The following TMEM160 variants were observed in gnomAD, a reference collection of about 807,000 sequenced individuals.
TMEM160 encodes transmembrane protein 160.
Under a neutral mutation model 13.9 loss-of-function variants are expected in TMEM160, and 10 were observed. That is an observed-to-expected ratio of 0.72 (90% CI 0.45 to 1.22). The LOEUF is 1.22. TMEM160 is among the 50% of genes most tolerant of loss of function. TMEM160 has a pLI of 0.00. For synonymous variants in TMEM160, 159 were observed against 134.8 expected (o/e 1.18, Z -1.25); for missense variants, 287 against 283.2 (o/e 1.01, Z -0.10).
At chr19:47,046,504 G>A (rs1300310839) in intron 2 of TMEM160, 89 bp downstream of exon 2, 10 of 1,132,814 alleles carry the variant, frequency 8.8e-6, no homozygotes, top group Admixed American at 1.8e-5. Context: ...GGAGTGGGAT[G>A]GGGTAGGAGA....
At chr19:47,047,848 A>G (rs1437361898) in intron 1 of TMEM160, 1 of 976,124 alleles carries the variant, frequency 1.0e-6, no homozygotes, top group Non-Finnish European at 1.2e-6. Context: ...ACCGTCATTA[A>G]AAAAATAAAA....
chr19:47,046,287 T>G (rs952247483), intron 2 of TMEM160, 35 bp from the exon 3 acceptor site: 1 of 1,513,172 alleles, frequency 6.6e-7, no homozygotes, highest in African/African-American at 1.4e-5. Flanking sequence ...AGGGCCAAGG[T>G]CGGGGGATGG....
At chr19:47,046,928 A>AG (rs1187052395) in intron 1 of TMEM160, among the ~76,000 whole-genome samples, 2 of 152,154 alleles carry the variant, frequency 1.3e-5, no homozygotes, top group Admixed American at 6.5e-5. Flanking sequence ...TAAGGATTCA[A>AG]GGGCCGGGTG....
chr19:47,046,215 G>A lies in TMEM160; in HGVS notation c.339C>T (p.Gly113=), dbSNP rs1205591558. 2.0e-6 allele frequency: 3 copies of A among 1,535,802 alleles called. No homozygotes were observed. Among genetic ancestry groups the A allele is most frequent in the Non-Finnish European group, 8.7e-7 (1 of 1,146,726 alleles). ...FLLGGLCVVW[G]SASYAVGLAA... ...CCAGGCCCACGGCGTACGAGGCGCT[G>A]CCCCACACCACGCACAGGCCGCCCA... Residue 113 remains glycine, a synonymous_variant, in exon 3 of 3, where the codon GGC becomes GGT. Coordinates refer to ENST00000253047, the MANE Select transcript of TMEM160 (RefSeq NM_017854.2).
chr19:47,046,153 C>A lies in TMEM160; in HGVS notation c.401G>T (p.Gly134Val), dbSNP rs1439447009. The A allele has an allele frequency of 2.0e-6, 3 of 1,469,334 alleles. No homozygotes were observed. The highest frequency in any genetic ancestry group is 1.5e-5 in the African/African-American group (1 of 67,352). The allele number at this position is 1,469,334 out of a possible 1,614,324, so 91.0% of individuals were successfully genotyped here. Reference sequence around the variant, plus strand: ...CACGGCGCCCGCGCCCACGGCCGCGCCCCCCAGCGTCAGCTGCATGGGTCC... The same window carrying A: ...CACGGCGCCCGCGCCCACGGCCGCGACCCCCAGCGTCAGCTGCATGGGTCC... ...LRGPMQLTLG[G>V]AAVGAGAVLA... Residue 134 changes from glycine (G) to valine (V), a missense_variant, in exon 3 of 3, where the codon GGC becomes GTC. Physicochemically the swap from Gly to Val is moderately radical, Grantham distance 109 (BLOSUM62 -3). Transcript: ENST00000253047.
intron 2 of TMEM160, 45 bp from the exon 3 acceptor site, chr19:47,046,297 G>A: frequency 6.6e-7 from 1 of 1,505,310 alleles, no homozygotes; most frequent in Non-Finnish European, 8.8e-7. Flanking sequence ...TCGGGGGATG[G>A]TCTGGGAGCA....
At chr19:47,047,224 A>G in intron 1 of TMEM160, 1 of 979,924 alleles carries the variant, frequency 1.0e-6, no homozygotes, top group Non-Finnish European at 1.2e-6. Flanking sequence ...AAAATAAAGG[A>G]TTCAAGATAG....
intron 1 of TMEM160, chr19:47,047,405 G>T (rs535761952): frequency 2.0e-6 from 2 of 985,304 alleles, no homozygotes; most frequent in Non-Finnish European, 2.4e-6. Flanking sequence ...CTTCAGCCTC[G>T]CCCTTCTTTT....
chr19:47,046,448 G>A, intron 2 of TMEM160, 145 bp downstream of exon 2: 1 of 911,812 alleles, frequency 1.1e-6, no homozygotes, highest in Non-Finnish European at 1.7e-6. Flanking sequence ...CTATGGGAGG[G>A]GTGTCTTCTG....
chr19:47,046,489 T>C (rs1444543507), intron 2 of TMEM160, 104 bp downstream of exon 2: 3 of 1,030,972 alleles, frequency 2.9e-6, no homozygotes, highest in Non-Finnish European at 4.5e-6. Flanking sequence ...CTATACTTAC[T>C]ACTGGGAGTG....
At position 47,046,756 on chromosome 19, in the gene TMEM160, C is replaced by A; in HGVS notation, c.209-71G>T. ...ACCTCCTCAATCCCCCTTACCCAGTCAAACTGAGGGGCCTCCCTTCAGCTC... is the reference window on the plus strand; with the variant it reads ...ACCTCCTCAATCCCCCTTACCCAGTAAAACTGAGGGGCCTCCCTTCAGCTC... On this transcript the variant is annotated intron_variant, in intron 1 of 2. Transcript: ENST00000253047. The A allele has an allele frequency of 2.6e-6, 3 of 1,172,656 alleles. No individual in the cohort carries two copies. In the South Asian group the frequency reaches 3.7e-5, roughly 14 times the overall value. The allele number at this position is 1,172,656 out of a possible 1,614,324, so 72.6% of individuals were successfully genotyped here.
At position 47,048,385 on chromosome 19, in the gene TMEM160, G is replaced by GC. The variant is rs1428827144; in HGVS notation, c.208+21dup. On this transcript the variant is annotated intron_variant, in intron 1 of 2. Coordinates refer to ENST00000253047, the MANE Select transcript of TMEM160 (RefSeq NM_017854.2). ...CCGGGACCCCCGTCCCATCCGCACC[G>GC]CCCCCACCCCTAGCCACCGACCTGT... 14 of 1,476,536 alleles carry GC rather than the reference G, an allele frequency of 9.5e-6. No individual in the cohort carries two copies. The South Asian group carries it at 1.0e-4, about 11-fold the overall frequency. 91.5% of individuals were successfully genotyped at this position (1,476,536 alleles called of 1,614,324 possible). A position where few individuals can be genotyped will look rare whatever the true frequency, so the allele number is the denominator to read the frequency against.
At chr19:47,046,363 C>A in intron 2 of TMEM160, 111 bp from the exon 3 acceptor site, 1 of 1,322,990 alleles carries the variant, frequency 7.6e-7, no homozygotes, top group Non-Finnish European at 1.0e-6. Flanking sequence ...GGCTAGCCTG[C>A]ATCTTTGAGA....
Position 47,046,031 on chromosome 19 carries a change from A to G in TMEM160, c.523T>C (p.Ser175Pro). The G allele has an allele frequency of 6.5e-7, 1 of 1,549,608 alleles. No individual in the cohort carries two copies. Among genetic ancestry groups the G allele is most frequent in the Non-Finnish European group, 8.7e-7 (1 of 1,155,044 alleles). ...ELVPEDDGTA[S>P]AEGPDEAGRP... Reference sequence around the variant, plus strand: ...CCCGCCTCATCAGGGCCTTCCGCGGAGGCCGTCCCGTCGTCCTCGGGCACC... The same window carrying G: ...CCCGCCTCATCAGGGCCTTCCGCGGGGGCCGTCCCGTCGTCCTCGGGCACC... The change falls in exon 3 of 3, where the codon TCC becomes CCC. Residue 175 changes from serine (S) to proline (P), a missense_variant. Coordinates refer to ENST00000253047, the MANE Select transcript of TMEM160 (RefSeq NM_017854.2).
intron 1 of TMEM160, chr19:47,047,962 A>G (rs2057089773): frequency 1.0e-6 from 1 of 983,620 alleles, no homozygotes; most frequent in Non-Finnish European, 1.2e-6. Flanking sequence ...CAATCAGCAG[A>G]GAGCTTTCTC....
chr19:47,048,091 T>C (rs913479718), intron 1 of TMEM160, among the ~76,000 whole-genome samples: 1 of 151,436 alleles, frequency 6.6e-6, no homozygotes, highest in Non-Finnish European at 1.5e-5. Context: ...TGTACCCAAC[T>C]CCACAGACCC....
In TMEM160 at chr19:47,047,549, A is replaced by G. The variant is rs184303755; in HGVS notation, c.208+858T>C. ...CTTTACAAACAGCCCACCACACCCT[A>G]TATCTAGATGCCCGGTCCTGGCCTA... On this transcript the variant is annotated intron_variant, in intron 1 of 2. Coordinates refer to ENST00000253047, the MANE Select transcript of TMEM160 (RefSeq NM_017854.2). The G allele has an allele frequency of 6.5e-5, 63 of 973,718 alleles. No homozygotes were observed. In the African/African-American group the frequency reaches 8.8e-4, roughly 14 times the overall value. The allele number at this position is 973,718 out of a possible 1,614,324, so 60.3% of individuals were successfully genotyped here.
intron 2 of TMEM160, 151 bp from the exon 3 acceptor site, chr19:47,046,403 A>G: frequency 9.1e-7 from 1 of 1,100,262 alleles, no homozygotes; most frequent in Non-Finnish European, 1.3e-6. Flanking sequence ...GACCATAACC[A>G]TGTCCTGGGC....
chr19:47,047,476 C>T (rs1189524469), intron 1 of TMEM160: 5 of 985,322 alleles, frequency 5.1e-6, no homozygotes, highest in Admixed American at 1.2e-4. Flanking sequence ...CATGTCCTAC[C>T]GAGTATGGCC....
Sources: gnomAD v4.1 joint callset for allele counts (sites outside exome capture counted in the v4.1 genomes callset) on GRCh38, gnomAD v4.1.1 for gene constraint, MANE v1.5 for transcripts, NCBI Gene and HGNC (gene_info 2026-07-23, HGNC 2026-07-21) for gene names.